The following ITIH6 variants were observed in gnomAD, a reference collection of about 807,000 sequenced individuals.
ITIH6 encodes the protein inter-alpha-trypsin inhibitor heavy chain H6.
Under a neutral mutation model 58.2 loss-of-function variants are expected in ITIH6, and 60 were observed. That is an observed-to-expected ratio of 1.03 (90% CI 0.84 to 1.28). The LOEUF (loss-of-function observed/expected upper bound fraction) is 1.28, where lower values mean the gene tolerates loss of function less well. ITIH6 is among the 50% of genes most tolerant of loss of function. The pLI is 0.00. For synonymous variants in ITIH6, 493 were observed against 417.4 expected (o/e 1.18, Z -2.21); for missense variants, 1,290 against 1,021.1 (o/e 1.26, Z -3.59).
At chrX:54,750,893 G>C in intron 12 of ITIH6, 110 bp downstream of exon 12, 1 of 823,683 alleles carries the variant, frequency 1.2e-6, no homozygotes, top group Non-Finnish European at 1.7e-6. Context: ...CAAGGGAAGA[G>C]TCTGTTGCTG....
chrX:54,781,472 AT>A (rs776235147), intron 5 of ITIH6, among the ~76,000 whole-genome samples: 2 of 112,747 alleles, frequency 1.8e-5, no homozygotes, highest in East Asian at 5.6e-4. Context: ...TAACAACCAT[AT>A]GAAAAAAAGC....
chrX:54,758,462 C>T lies in ITIH6; in HGVS notation c.1612G>A (p.Ala538Thr), dbSNP rs1810584483. Residue 538 changes from alanine (A) to threonine (T), a missense_variant, in exon 8 of 13, where the codon GCC becomes ACC. Coordinates refer to ENST00000218436, the MANE Select transcript of ITIH6 (RefSeq NM_198510.3). The part of the protein sequence containing the change: ...QLLVAHHSEG[A>T]TNNSQKAFGC... Reference sequence around the variant, plus strand: ...AAGGCCTTCTGGCTGTTGTTGGTGGCCCCTTCACTGTGGTGGGCCACAAGA... The same window carrying T: ...AAGGCCTTCTGGCTGTTGTTGGTGGTCCCTTCACTGTGGTGGGCCACAAGA... 1 of 1,207,760 alleles carries T rather than the reference C, an allele frequency of 8.3e-7. No homozygotes were observed. Among genetic ancestry groups the T allele is most frequent in the Non-Finnish European group, 1.1e-6 (1 of 894,123 alleles).
At chrX:54,790,429 A>C (rs1271726502) in intron 4 of ITIH6, among the ~76,000 whole-genome samples, 1 of 112,006 alleles carries the variant, frequency 8.9e-6, no homozygotes, top group Admixed American at 9.4e-5. Flanking sequence ...TCCTCCAGGG[A>C]GCCTGCACTT....
rs757900990 is a variant in ITIH6, at chrX:54,757,862, G to A, written c.2212C>T (p.Pro738Ser). 1.7e-6 allele frequency: 2 copies of A among 1,211,634 alleles called. No individual in the cohort carries two copies. Among genetic ancestry groups the A allele is most frequent in the Non-Finnish European group, 2.2e-6 (2 of 895,393 alleles). The change falls in exon 8 of 13, where the codon CCT becomes TCT. Residue 738 changes from proline to serine, a missense_variant. Coordinates refer to ENST00000218436, the MANE Select transcript of ITIH6 (RefSeq NM_198510.3). ...LVPSNSGTLL[P>S]LKPGSLSHQN... ...TGTGATAGAGAGCCGGGCTTCAGAGGCAACAGAGTACCAGAATTTGAGGGC... is the reference window on the plus strand; with the variant it reads ...TGTGATAGAGAGCCGGGCTTCAGAGACAACAGAGTACCAGAATTTGAGGGC...
chrX:54,782,290 C>T (rs1333332816), intron 5 of ITIH6, among the ~76,000 whole-genome samples: 2 of 111,263 alleles, frequency 1.8e-5, no homozygotes, highest in Non-Finnish European at 3.8e-5. Flanking sequence ...GTGGTGCATG[C>T]CTGTAATCCC....
Position 54,793,970 on chromosome X carries a change from G to C in ITIH6, c.258-1934C>G, listed in dbSNP as rs781276720. On this transcript the variant is annotated intron_variant, in intron 2 of 12. Coordinates refer to ENST00000218436, the MANE Select transcript of ITIH6 (RefSeq NM_198510.3). Reference sequence around the variant, plus strand: ...GAAAGTTAGTGCAACTCTGTAGGACGCAAGTACAACAGTTTCCATTTTACA... The same window carrying C: ...GAAAGTTAGTGCAACTCTGTAGGACCCAAGTACAACAGTTTCCATTTTACA... 8.1e-5 allele frequency among the ~76,000 whole-genome samples: 9 copies of C among 111,730 alleles called. No homozygotes were observed. The Admixed American group carries it at 8.5e-4, about 11-fold the overall frequency.
intron 11 of ITIH6, among the ~76,000 whole-genome samples, chrX:54,752,073 T>A: frequency 9.0e-6 from 1 of 111,609 alleles, no homozygotes; most frequent in Non-Finnish European, 1.9e-5. Context: ...TGTGTCTAGG[T>A]GCATATTTGC....
chrX:54,790,809 T>C, intron 4 of ITIH6, 28 bp downstream of exon 4: 2 of 1,209,332 alleles, frequency 1.7e-6, no homozygotes, highest in East Asian at 3.0e-5. Context: ...GCCAGTCTGA[T>C]GGGTGACCCA....
chrX:54,771,793 A>G (rs1253562250), intron 6 of ITIH6, among the ~76,000 whole-genome samples: 3 of 111,947 alleles, frequency 2.7e-5, no homozygotes, highest in Non-Finnish European at 5.6e-5. Flanking sequence ...ATGAGATACC[A>G]TCTTACACCA....
chrX:54,783,011 C>G (rs767689003), intron 5 of ITIH6, among the ~76,000 whole-genome samples: 2 of 112,355 alleles, frequency 1.8e-5, no homozygotes, highest in East Asian at 2.8e-4. Flanking sequence ...GGATTTATCC[C>G]TGGGATGCAA....
At chrX:54,759,094 C>T in intron 7 of ITIH6, 96 bp from the exon 8 acceptor site, 2 of 602,829 alleles carry the variant, frequency 3.3e-6, no homozygotes, top group Non-Finnish European at 5.1e-6. Context: ...AGGCTCACAG[C>T]TCCTTATCTT....
intron 6 of ITIH6, among the ~76,000 whole-genome samples, chrX:54,770,760 T>G (rs1390597594): frequency 8.9e-6 from 1 of 112,356 alleles, no homozygotes; most frequent in Non-Finnish European, 1.9e-5. Flanking sequence ...ATAAGAAAAC[T>G]ATTTTATTTT....
chrX:54,791,220 C>G, intron 3 of ITIH6, 136 bp from the exon 4 acceptor site: 1 of 568,519 alleles, frequency 1.8e-6, no homozygotes, highest in Non-Finnish European at 2.8e-6. Flanking sequence ...AACTGAGTCA[C>G]TGGCTCATGG....
At chrX:54,774,228 A>C in intron 5 of ITIH6, 31 bp from the exon 6 acceptor site, 1 of 800,217 alleles carries the variant, frequency 1.2e-6, no homozygotes, top group Non-Finnish European at 1.8e-6. Flanking sequence ...AAAAAGTAGA[A>C]CCAAGAAGAA....
intron 6 of ITIH6, among the ~76,000 whole-genome samples, chrX:54,765,999 C>G (rs899632672): frequency 9.0e-5 from 10 of 111,181 alleles, no homozygotes; most frequent in Non-Finnish European, 1.5e-4. Flanking sequence ...GCCATTTTCA[C>G]GATATTGATT....
chrX:54,753,748 G>C lies in ITIH6; in HGVS notation c.3255C>G (p.His1085Gln), dbSNP rs1334831670. 3.3e-6 allele frequency: 4 copies of C among 1,208,766 alleles called. No individual in the cohort carries two copies. The South Asian group carries it at 5.3e-5, about 16-fold the overall frequency. ...CTGAGTGTGGGATTTGGATCACAAA[G>C]TGGGGGTCCCCGTCCACTGCAAGGC... ...TFSSSVDGDP[H>Q]FVIQIPHSEE... The change falls in exon 11 of 13, where the codon CAC (histidine) becomes CAG (glutamine). Residue 1085 changes from histidine to glutamine, a missense_variant. Physicochemically the swap from His to Gln is conservative, Grantham distance 24. Coordinates refer to ENST00000218436, the MANE Select transcript of ITIH6 (RefSeq NM_198510.3).
intron 5 of ITIH6, among the ~76,000 whole-genome samples, chrX:54,775,001 G>A (rs1225528005): frequency 8.9e-6 from 1 of 111,796 alleles, no homozygotes; most frequent in Non-Finnish European, 1.9e-5. Context: ...CTGCCCTTCA[G>A]TCACTCTCTG....
chrX:54,762,808 T>C (rs931029275), intron 6 of ITIH6, among the ~76,000 whole-genome samples: 4 of 112,453 alleles, frequency 3.6e-5, no homozygotes, highest in African/African-American at 6.5e-5. Context: ...AATACTAGCA[T>C]AGGGCTAGGC....
intron 6 of ITIH6, among the ~76,000 whole-genome samples, chrX:54,760,455 T>C (rs1326131913): frequency 1.8e-5 from 2 of 111,539 alleles, no homozygotes; most frequent in Non-Finnish European, 3.8e-5. Flanking sequence ...TTTTTATTAT[T>C]ATACTTTAAG....
Sources: allele counts gnomAD v4.1 joint callset (sites outside exome capture counted in the v4.1 genomes callset), GRCh38; gene constraint gnomAD v4.1.1; transcripts MANE v1.5; gene names NCBI Gene and HGNC (gene_info 2026-07-23, HGNC 2026-07-21).